CDH13: variants seen among roughly 807,000 people sequenced by gnomAD.
CDH13 encodes the protein cadherin 13.
A neutral mutation model predicts 63.8 loss-of-function variants in CDH13; 24 were observed. The observed-to-expected ratio is 0.38, with a 90% confidence interval of 0.27 to 0.53. The LOEUF is 0.53. Ranked by LOEUF, CDH13 falls within the 20% of genes least tolerant of loss-of-function variation. The pLI is 0.85. For synonymous variants in CDH13, 503 were observed against 355.3 expected, an observed-to-expected ratio of 1.42 and a Z score of -4.67; for missense variants, 1,049 against 903.1, an observed-to-expected ratio of 1.16 and a Z score of -2.07.
chr16:83,302,440 C>A (rs2089771518), intron 5 of CDH13, among the ~76,000 whole-genome samples: 1 of 152,096 alleles, frequency 6.6e-6, no homozygotes, highest in Non-Finnish European at 1.5e-5. Flanking sequence ...TTACCAGGAC[C>A]CAACATTTAT....
chr16:83,280,046 G>T (rs369601348), intron 5 of CDH13, among the ~76,000 whole-genome samples: 1 of 152,278 alleles, frequency 6.6e-6, no homozygotes, highest in Admixed American at 6.5e-5. Context: ...ATTGATCAGG[G>T]TGGTGGTTGC....
intron 2 of CDH13, among the ~76,000 whole-genome samples, chr16:82,970,382 C>CTTTTTTTT (rs558393653): frequency 3.9e-5 from 3 of 76,758 alleles, no homozygotes; most frequent in African/African-American, 5.3e-5. Flanking sequence ...AGTGCATATT[C>CTTTTTTTT]TTTTTTTTTT....
At chr16:82,810,896 A>T (rs1597665418) in intron 1 of CDH13, among the ~76,000 whole-genome samples, 1 of 152,092 alleles carries the variant, frequency 6.6e-6, no homozygotes, top group Non-Finnish European at 1.5e-5. Flanking sequence ...GGGGGGAGGT[A>T]TCAGGACATG....
chr16:83,435,446 C>G (rs1027195760), intron 6 of CDH13, among the ~76,000 whole-genome samples: 2 of 152,110 alleles, frequency 1.3e-5, no homozygotes, highest in African/African-American at 4.8e-5. Flanking sequence ...CCCGTTGCCC[C>G]AAAGCAACAT....
intron 2 of CDH13, among the ~76,000 whole-genome samples, chr16:82,978,846 C>T (rs944029278): frequency 2.4e-4 from 37 of 151,032 alleles, no homozygotes; most frequent in African/African-American, 7.3e-4. Flanking sequence ...AAGAGGGTCA[C>T]CATCCTCCAT....
At chr16:82,929,838 G>T (rs4293368) in intron 2 of CDH13, among the ~76,000 whole-genome samples, 89,266 of 150,864 alleles carry the variant, frequency 0.59, 27,802 homozygotes, top group Non-Finnish European at 0.7. Context: ...GCATCCCGAA[G>T]AGACCAAGAA....
intron 7 of CDH13, among the ~76,000 whole-genome samples, chr16:83,496,805 A>G (rs1486370034): frequency 6.6e-6 from 1 of 152,198 alleles, no homozygotes; most frequent in Non-Finnish European, 1.5e-5. Flanking sequence ...AACTCAAACA[A>G]ATTTACAAGA....
intron 7 of CDH13, among the ~76,000 whole-genome samples, chr16:83,577,179 C>G (rs1905140898): frequency 6.6e-6 from 1 of 152,190 alleles, no homozygotes; most frequent in Non-Finnish European, 1.5e-5. Context: ...GCCGTCATAG[C>G]TGCAGACTCA....
At chr16:83,356,115 T>C (rs2091048788) in intron 6 of CDH13, among the ~76,000 whole-genome samples, 1 of 152,176 alleles carries the variant, frequency 6.6e-6, no homozygotes, top group Non-Finnish European at 1.5e-5. Context: ...GTCCTTTAAC[T>C]ATTTCACCCG....
At chr16:82,702,870 C>A (rs928515791) in intron 1 of CDH13, among the ~76,000 whole-genome samples, 1 of 152,146 alleles carries the variant, frequency 6.6e-6, no homozygotes, top group Non-Finnish European at 1.5e-5. Context: ...GTCTCTAGAT[C>A]TTCCTGTGCA....
chr16:83,692,917 A>G (rs1164715736), intron 10 of CDH13, among the ~76,000 whole-genome samples: 1 of 152,146 alleles, frequency 6.6e-6, no homozygotes, highest in African/African-American at 2.4e-5. Flanking sequence ...CCCCGCCTCT[A>G]CTAAAAAATA....
intron 1 of CDH13, among the ~76,000 whole-genome samples, chr16:82,717,167 C>G (rs1276357193): frequency 1.3e-5 from 2 of 152,076 alleles, no homozygotes; most frequent in Non-Finnish European, 2.9e-5. Context: ...CAGGCTGGTC[C>G]TCCTGAGCCC....
chr16:82,753,454 A>C (rs2034496526), intron 1 of CDH13, among the ~76,000 whole-genome samples: 2 of 152,112 alleles, frequency 1.3e-5, no homozygotes, highest in African/African-American at 4.8e-5. Flanking sequence ...GACAACTCCT[A>C]AATCTAAGAA....
intron 3 of CDH13, among the ~76,000 whole-genome samples, chr16:83,049,995 C>T (rs1039303409): frequency 1.5e-4 from 23 of 152,204 alleles, no homozygotes; most frequent in African/African-American, 4.6e-4. Flanking sequence ...AATAATAATG[C>T]TACAAAAACG....
chr16:82,959,446 T>A (rs1282093115), intron 2 of CDH13, among the ~76,000 whole-genome samples: 3 of 152,200 alleles, frequency 2.0e-5, no homozygotes, highest in African/African-American at 4.8e-5. Flanking sequence ...TGGCTTTGGT[T>A]CCTTTCTGGA....
At chr16:83,453,489 A>G (rs1567682797) in intron 6 of CDH13, among the ~76,000 whole-genome samples, 1 of 152,348 alleles carries the variant, frequency 6.6e-6, no homozygotes, top group South Asian at 2.1e-4. Context: ...AGCACTTAGC[A>G]TCGTGTCTGA....
intron 3 of CDH13, among the ~76,000 whole-genome samples, chr16:83,083,643 A>G (rs1211264233): frequency 6.6e-6 from 1 of 152,204 alleles, no homozygotes; most frequent in East Asian, 1.9e-4. Flanking sequence ...ATTGGAAAAG[A>G]TGCCAACTCG....
At chr16:83,229,267 C>A (rs1002401328) in intron 5 of CDH13, among the ~76,000 whole-genome samples, 2 of 152,118 alleles carry the variant, frequency 1.3e-5, no homozygotes, top group Non-Finnish European at 2.9e-5. Context: ...TTTATTGAGG[C>A]CCCACTACCA....
At chr16:83,093,584 T>G (rs2034040193) in intron 3 of CDH13, among the ~76,000 whole-genome samples, 1 of 152,110 alleles carries the variant, frequency 6.6e-6, no homozygotes, top group Admixed American at 6.5e-5. Flanking sequence ...CCTCCCAAAG[T>G]GCTGGGATTA....
Sources: gnomAD v4.1 joint callset for allele counts (sites outside exome capture counted in the v4.1 genomes callset) on GRCh38, gnomAD v4.1.1 for gene constraint, MANE v1.5 for transcripts, NCBI Gene and HGNC (gene_info 2026-07-23, HGNC 2026-07-21) for gene names.